Variants in TET3 observed in about 807,000 individuals in gnomAD.
TET3 encodes the protein tet methylcytosine dioxygenase 3, also known as methylcytosine dioxygenase TET3.
Under a neutral mutation model 141.4 loss-of-function variants are expected in TET3, and 19 were observed. The ratio of observed to expected loss-of-function variants is 0.13; its 90% confidence interval spans 0.09 to 0.20. TET3 has a LOEUF of 0.20. Among genes scored for constraint, TET3 ranks in the 10% least tolerant of loss-of-function variants. TET3 has a pLI of 1.00. For missense variants in TET3, 1,874 were observed against 2,356.9 expected (o/e 0.80, Z 4.24); for synonymous variants, 1,043 against 980.9 (o/e 1.06, Z -1.18).
At chr2:73,997,034 C>T (rs1171142307) in intron 2 of TET3, among the ~76,000 whole-genome samples, 1 of 152,258 alleles carries the variant, frequency 6.6e-6, no homozygotes, top group African/African-American at 2.4e-5. Flanking sequence ...ACCTCTACCA[C>T]ACCTAACGAG....
At chr2:74,011,227 CAAAAAAAA>C (rs34155044) in intron 3 of TET3, among the ~76,000 whole-genome samples, 2 of 94,390 alleles carry the variant, frequency 2.1e-5, no homozygotes, top group African/African-American at 3.7e-5. Flanking sequence ...GACTCCGTTT[CAAAAAAAA>C]AAAAAAAAAA....
chr2:74,110,519 C>T (rs769512435), downstream of TET3, among the ~76,000 whole-genome samples: 1 of 152,102 alleles, frequency 6.6e-6, no homozygotes, highest in Non-Finnish European at 1.5e-5. Context: ...GGACATGAAG[C>T]CCTAAAAACA....
At chr2:74,094,031 C>G (rs1690661198) in intron 10 of TET3, among the ~76,000 whole-genome samples, 1 of 152,184 alleles carries the variant, frequency 6.6e-6, no homozygotes, top group South Asian at 2.1e-4. Context: ...TATTGAGTAC[C>G]AGCTGTGCCC....
intron 7 of TET3, 135 bp downstream of exon 7, chr2:74,088,173 C>A: frequency 1.1e-6 from 1 of 940,608 alleles, no homozygotes; most frequent in Non-Finnish European, 1.6e-6. Context: ...ACAGTTAGGA[C>A]TGTGGTTGAG....
intron 2 of TET3, among the ~76,000 whole-genome samples, chr2:73,989,090 T>A (rs891035127): frequency 6.7e-6 from 1 of 150,296 alleles, no homozygotes; most frequent in African/African-American, 2.5e-5. Flanking sequence ...GTGGCATAAT[T>A]AATTGAAAAG....
chr2:74,065,604 G>T (rs182974017), intron 4 of TET3, among the ~76,000 whole-genome samples: 13 of 121,202 alleles, frequency 1.1e-4, no homozygotes, highest in South Asian at 2.4e-4. Context: ...CCTTCCTTCC[G>T]TCCGTCCGTC....
chr2:74,068,236 A>G (rs1236630130), intron 4 of TET3, among the ~76,000 whole-genome samples: 1 of 151,946 alleles, frequency 6.6e-6, no homozygotes, highest in Non-Finnish European at 1.5e-5. Context: ...CTCAGTTTAA[A>G]CTTGCTTTTA....
rs569766381 is a variant in TET3, at chr2:74,089,036, G to A, written c.2889-861G>A. Among the ~76,000 whole-genome samples, 5 of 145,566 alleles carry A rather than the reference G, an allele frequency of 3.4e-5. No individual in the cohort carries two copies. The East Asian group carries it at 8.1e-4, about 24-fold the overall frequency. ...GCAGAGGTTGCAGTGAGCCAAGATC[G>A]TGCCATTGCACTCCAGCCTGAGCAA... On this transcript the variant is annotated intron_variant, in intron 7 of 11. Coordinates refer to ENST00000409262, the MANE Select transcript of TET3 (RefSeq NM_001287491.2).
chr2:74,047,613 C>T lies in TET3; in HGVS notation c.1696C>T (p.Pro566Ser), dbSNP rs1399973823. 1.9e-6 allele frequency: 3 copies of T among 1,613,720 alleles called. No individual in the cohort carries two copies. The highest frequency in any genetic ancestry group is 1.6e-4 in the Middle Eastern group (1 of 6,082). ...TGGCTGGTGGCCCCCACCAAGTTCA[C>T]CTGTCCCACGGCTTCCAGACAGACC... is the stretch of plus-strand genomic sequence containing the variant. ...APGWWPPPSS[P>S]VPRLPDRPPK... Residue 566 changes from proline to serine, a missense_variant, in exon 4 of 12, where the codon CCT (proline) becomes TCT (serine). By Grantham distance (74) the Pro-to-Ser change is moderately conservative. Coordinates refer to ENST00000409262, the MANE Select transcript of TET3 (RefSeq NM_001287491.2).
intron 3 of TET3, among the ~76,000 whole-genome samples, chr2:74,015,242 ACTTT>A (rs918406809): frequency 1.1e-4 from 16 of 152,236 alleles, no homozygotes; most frequent in African/African-American, 3.9e-4. Flanking sequence ...GAAAGGATGG[ACTTT>A]TGAGTTCAAC....
At chr2:74,045,987 C>T (rs528259838) in intron 3 of TET3, among the ~76,000 whole-genome samples, 2 of 152,306 alleles carry the variant, frequency 1.3e-5, no homozygotes, top group African/African-American at 2.4e-5. Context: ...AGGAGAGCCT[C>T]ATTTGTGTGA....
rs549800176 is a variant in TET3, at chr2:74,081,440, A to T, written c.2679+849A>T. Among the ~76,000 whole-genome samples the T allele has an allele frequency of 5.9e-5, 9 of 152,274 alleles. No homozygotes were observed. The South Asian group carries it at 1.9e-3, about 32-fold the overall frequency. On this transcript the variant is annotated intron_variant, in intron 6 of 11. Transcript: ENST00000409262. ...AGACATATGAAATAAAGTCATGGAG[A>T]CTGGGGTCGTTGAGAGGCAGACTTG...
chr2:74,109,452 A>ATCTT, downstream of TET3, among the ~76,000 whole-genome samples: 1 of 152,350 alleles, frequency 6.6e-6, no homozygotes, highest in East Asian at 1.9e-4. Context: ...GCAGAATAGC[A>ATCTT]TCTTTTTAAA....
rs1691186456 is a variant in TET3 at position 74,101,187 on chromosome 2, A to G, written c.4399A>G (p.Ile1467Val). The G allele has an allele frequency of 6.2e-6, 10 of 1,613,628 alleles. No homozygotes were observed. The highest frequency in any genetic ancestry group is 3.3e-5 in the Admixed American group (2 of 59,982). ...GTTCTCGTCTGGGGAGAGTCCTGCC[A>G]TCGTCCCTGACAAGCTCAGTTCCTT... ...GVFSSGESPA[I>V]VPDKLSSFGA... is the part of the protein sequence containing the mutation. Residue 1467 changes from isoleucine to valine, a missense_variant, in exon 12 of 12, where the codon ATC becomes GTC. Around this residue, in one of 10 missense-constraint regions of TET3, gnomAD observed 602 missense variants for 590.2 expected, o/e 1.02. Coordinates refer to ENST00000409262, the MANE Select transcript of TET3 (RefSeq NM_001287491.2). The surrounding 1 kb of genome is among the most constrained non-coding windows in gnomAD (Gnocchi z 8.5).
rs192790241 is a variant in TET3 at position 74,034,837 on chromosome 2, G to C, written c.361-11441G>C. 7.2e-5 allele frequency among the ~76,000 whole-genome samples: 11 copies of C among 152,182 alleles called. No individual in the cohort carries two copies. The East Asian group carries it at 1.7e-3, about 24-fold the overall frequency. ...TGTGCATGTTTGACATTAAAAGGTA[G>C]CACCACAAACCTTTTCAAAGTATTT... On this transcript the variant is annotated intron_variant, in intron 3 of 11. Transcript: ENST00000409262.
the TET3 span, among the ~76,000 whole-genome samples, chr2:74,132,272 CAG>C: frequency 6.6e-6 from 1 of 152,158 alleles, no homozygotes; most frequent in Admixed American, 6.5e-5. Context: ...ATGAGCCAAT[CAG>C]AGCCCTTCCT....
At chr2:74,016,757 A>G (rs1454055633) in intron 3 of TET3, among the ~76,000 whole-genome samples, 7 of 151,040 alleles carry the variant, frequency 4.6e-5, no homozygotes, top group African/African-American at 1.7e-4. Flanking sequence ...TAAAACCCAC[A>G]AACCCAATAA....
the TET3 span, among the ~76,000 whole-genome samples, chr2:74,133,900 A>G: frequency 2.0e-5 from 3 of 151,932 alleles, no homozygotes; most frequent in Non-Finnish European, 4.4e-5. Context: ...GCGTGCCATC[A>G]TGCCTGGCTA....
chr2:74,007,394 G>A (rs1685204064), intron 3 of TET3, among the ~76,000 whole-genome samples: 1 of 152,216 alleles, frequency 6.6e-6, no homozygotes, highest in South Asian at 2.1e-4. Context: ...ACAGAGGAGG[G>A]CAGTGGGGTC....
Sources: gnomAD v4.1 joint callset for allele counts (sites outside exome capture counted in the v4.1 genomes callset) on GRCh38, gnomAD v4.1.1 for gene constraint, gnomAD v4.1.1 regional missense constraint, Gnocchi (gnomAD v3.1) non-coding constraint, MANE v1.5 for transcripts, NCBI Gene and HGNC (gene_info 2026-07-23, HGNC 2026-07-21) for gene names.